NRXN2: variants seen among roughly 807,000 people sequenced by gnomAD.
NRXN2 encodes the protein neurexin 2.
A neutral mutation model predicts 128.8 loss-of-function variants in NRXN2; 29 were observed. The observed-to-expected ratio is 0.23, with a 90% CI of 0.17 to 0.31. The LOEUF is 0.31. Ranked by LOEUF, NRXN2 falls within the 10% of genes least tolerant of loss-of-function variation. The pLI, the probability that NRXN2 is intolerant of heterozygous loss-of-function variation, is 1.00. For synonymous variants in NRXN2, 1,098 were observed against 1,075.2 expected (o/e 1.02, Z -0.41); for missense variants, 1,881 against 2,452.6 (o/e 0.77, Z 4.92).
chr11:64,688,373 G>T, intron 5 of NRXN2: 1 of 985,430 alleles, frequency 1.0e-6, no homozygotes, highest in Non-Finnish European at 1.2e-6. Context: ...CGAGAAGAGG[G>T]ACAGAAAAAG....
intron 9 of NRXN2, among the ~76,000 whole-genome samples, chr11:64,665,821 C>T (rs928593130): frequency 1.3e-5 from 2 of 152,276 alleles, no homozygotes. Flanking sequence ...ATTTCCCTTT[C>T]TTGGATAATT....
At chr11:64,695,757 C>T (rs1378546641) in intron 3 of NRXN2, among the ~76,000 whole-genome samples, 1 of 152,050 alleles carries the variant, frequency 6.6e-6, no homozygotes, top group African/African-American at 2.4e-5. Flanking sequence ...GCCTCCAATA[C>T]ACAGCCCTGC....
chr11:64,690,671 C>A (rs1308102859), intron 4 of NRXN2, among the ~76,000 whole-genome samples, 195 bp from the exon 5 acceptor site: 4 of 152,048 alleles, frequency 2.6e-5, no homozygotes, highest in African/African-American at 9.7e-5. Flanking sequence ...GGCGATCAGC[C>A]CCACAGACCC....
Position 64,713,452 on chromosome 11 carries a change from A to C in NRXN2, c.248T>G (p.Val83Gly). ...GDCDFLELLLVDGRLRLRFTL... is the reference protein window; with the variant it reads ...GDCDFLELLLGDGRLRLRFTL... ...GAAGCGCAGCCGCAGGCGGCCGTCCACCAGCAGCAGCTCCAGGAAGTCGCA... is the reference window on the plus strand; with the variant it reads ...GAAGCGCAGCCGCAGGCGGCCGTCCCCCAGCAGCAGCTCCAGGAAGTCGCA... Residue 83 changes from valine to glycine, a missense_variant, in exon 2 of 23, where the codon GTG (valine) becomes GGG (glycine). Around this residue, in one of 7 missense-constraint regions of NRXN2, gnomAD observed 997 missense variants for 1,240.8 expected, o/e 0.80. Transcript: ENST00000265459. 6.6e-7 allele frequency: 1 copy of C among 1,526,532 alleles called. No homozygotes were observed. The highest frequency in any genetic ancestry group is 8.7e-7 in the Non-Finnish European group (1 of 1,146,044). The allele number at this position is 1,526,532 out of a possible 1,614,324, so 94.6% of individuals were successfully genotyped here.
intron 1 of NRXN2, among the ~76,000 whole-genome samples, 174 bp downstream of exon 1, chr11:64,722,797 G>T (rs2057468292): frequency 8.7e-6 from 1 of 114,328 alleles, no homozygotes. Flanking sequence ...CGACCCCCAA[G>T]CCCCCAGCGG....
chr11:64,610,679 T>G (rs1323034307), intron 22 of NRXN2, among the ~76,000 whole-genome samples: 2 of 152,098 alleles, frequency 1.3e-5, no homozygotes, highest in Non-Finnish European at 2.9e-5. Flanking sequence ...CCTCTAGCCT[T>G]TGGATGAACA....
chr11:64,607,767 C>A lies in NRXN2; in HGVS notation c.4568G>T (p.Arg1523Leu). 2 of 1,587,230 alleles carry A rather than the reference C, an allele frequency of 1.3e-6. No individual in the cohort carries two copies. The highest frequency in any genetic ancestry group is 2.3e-5 in the East Asian group (1 of 43,062). The change falls in exon 23 of 23, where the codon CGC becomes CTC. Residue 1523 changes from arginine to leucine, a missense_variant. Transcript: ENST00000265459. ...FYTTFPLVTD[R>L]TTLLSPRKPA... ...TTTGCGGGGTGACAGGAGGGTGGTG[C>A]GGTCCGTGACCAGGGGAAAGGTGGT...
chr11:64,641,989 CAG>C (rs2045745209), intron 17 of NRXN2, among the ~76,000 whole-genome samples: 1 of 151,870 alleles, frequency 6.6e-6, no homozygotes, highest in Non-Finnish European at 1.5e-5. Context: ...GGAGGTAAAA[CAG>C]AGACATACAT....
chr11:64,722,864 A>ACCTG (rs2057471283), intron 1 of NRXN2, 107 bp downstream of exon 1: 1 of 13,648 alleles, frequency 7.3e-5, no homozygotes, highest in Non-Finnish European at 1.6e-4. Flanking sequence ...CCCGCCCCCC[A>ACCTG]ATTCATCCGT....
At chr11:64,653,777 G>GA in intron 11 of NRXN2, 55 bp from the exon 12 acceptor site, 2 of 1,032,478 alleles carry the variant, frequency 1.9e-6, no homozygotes, top group Non-Finnish European at 1.4e-6. Context: ...GGTAAAACAA[G>GA]TTTTTTTTTT....
chr11:64,661,316 T>C, intron 9 of NRXN2, 177 bp from the exon 10 acceptor site: 2 of 1,481,794 alleles, frequency 1.3e-6, no homozygotes. Flanking sequence ...CTGCAAAAAC[T>C]GCTTGACAAA....
At chr11:64,662,674 C>G (rs1399370097) in intron 9 of NRXN2, among the ~76,000 whole-genome samples, 2 of 151,882 alleles carry the variant, frequency 1.3e-5, no homozygotes, top group African/African-American at 2.4e-5. Flanking sequence ...CCCAGATACT[C>G]AGGAGGCTAA....
At chr11:64,650,175 G>A (rs1257708650) in intron 15 of NRXN2, among the ~76,000 whole-genome samples, 1 of 152,036 alleles carries the variant, frequency 6.6e-6, no homozygotes, top group Non-Finnish European at 1.5e-5. Context: ...GAGGGCCTGG[G>A]TTACCTACTC....
chr11:64,679,333 G>A lies in NRXN2; in HGVS notation c.1153-2296C>T, dbSNP rs569504742. Among the ~76,000 whole-genome samples the A allele has an allele frequency of 5.3e-5, 8 of 152,278 alleles. No individual in the cohort carries two copies. In the South Asian group the frequency reaches 1.5e-3, roughly 28 times the overall value. On this transcript the variant is annotated intron_variant, in intron 6 of 22. Coordinates refer to ENST00000265459, the MANE Select transcript of NRXN2 (RefSeq NM_015080.4). The stretch of plus-strand genomic sequence containing the variant: ...GATTCCATTTTTAAGAAGTAGAACA[G>A]CAAATTAAGAATCAGGATTGAGGGC...
intron 14 of NRXN2, 85 bp from the exon 15 acceptor site, chr11:64,650,723 G>A: frequency 3.8e-6 from 5 of 1,315,340 alleles, no homozygotes; most frequent in Non-Finnish European, 5.4e-6. Context: ...GGCTGGCAGG[G>A]GTCCTAGGTG....
At chr11:64,662,191 G>C (rs922195772) in intron 9 of NRXN2, among the ~76,000 whole-genome samples, 7 of 152,134 alleles carry the variant, frequency 4.6e-5, no homozygotes, top group Admixed American at 4.6e-4. Flanking sequence ...CCGGGAGGCA[G>C]AGGCTGCAGT....
intron 1 of NRXN2, among the ~76,000 whole-genome samples, chr11:64,721,698 G>A (rs1221209564): frequency 1.3e-5 from 2 of 151,932 alleles, no homozygotes; most frequent in East Asian, 3.9e-4. Context: ...AGACCCTAAT[G>A]TCCACCCTCC....
chr11:64,692,994 A>C, intron 3 of NRXN2, 118 bp from the exon 4 acceptor site: 24 of 867,748 alleles, frequency 2.8e-5, no homozygotes, highest in Non-Finnish European at 4.2e-5. Flanking sequence ...GAAGGGAGAA[A>C]AAAGCTTTTG....
intron 22 of NRXN2, among the ~76,000 whole-genome samples, chr11:64,615,447 C>A (rs1309948190): frequency 6.6e-6 from 1 of 152,246 alleles, no homozygotes; most frequent in Non-Finnish European, 1.5e-5. Context: ...CGGGTCTCGG[C>A]AAATGTGTCT....
Sources: allele counts gnomAD v4.1 joint callset (sites outside exome capture counted in the v4.1 genomes callset), GRCh38; gene constraint gnomAD v4.1.1; regional missense constraint gnomAD v4.1.1; transcripts MANE v1.5; gene names NCBI Gene and HGNC (gene_info 2026-07-23, HGNC 2026-07-21).